Variants in CDH12 observed in about 807,000 individuals in gnomAD.
The protein encoded by CDH12 is cadherin-12.
CDH12 carries 41 observed loss-of-function variants against 74.1 expected under a neutral mutation model. The observed-to-expected ratio is 0.55, with a 90% CI of 0.43 to 0.72. The LOEUF (loss-of-function observed/expected upper bound fraction) is 0.72. CDH12 is among the 30% of genes least tolerant of loss of function. CDH12 has a pLI of 0.00. For synonymous variants in CDH12, 399 were observed against 355.0 expected, an observed-to-expected ratio of 1.12 and a Z score of -1.39; for missense variants, 945 against 977.2, an observed-to-expected ratio of 0.97 and a Z score of 0.44.
At chr5:22,042,415 A>T (rs1443012248) in intron 5 of CDH12, among the ~76,000 whole-genome samples, 1 of 152,134 alleles carries the variant, frequency 6.6e-6, no homozygotes, top group Non-Finnish European at 1.5e-5. Context: ...CTAAGAAAAT[A>T]AGGCAGAAAA....
intron 10 of CDH12, among the ~76,000 whole-genome samples, chr5:21,800,250 AT>A (rs1423441836): frequency 6.6e-6 from 1 of 152,030 alleles, no homozygotes; most frequent in Non-Finnish European, 1.5e-5. Flanking sequence ...GACACTTTGG[AT>A]TTTAATTAAT....
chr5:22,058,818 C>CA (rs937199193), intron 5 of CDH12, among the ~76,000 whole-genome samples: 17 of 150,834 alleles, frequency 1.1e-4, no homozygotes, highest in East Asian at 7.8e-4. Context: ...GGAAAATAAA[C>CA]AAAAAAAAGG....
intron 1 of CDH12, among the ~76,000 whole-genome samples, chr5:22,623,339 A>G (rs1359585915): frequency 6.6e-6 from 1 of 152,202 alleles, no homozygotes; most frequent in Non-Finnish European, 1.5e-5. Context: ...AGAAAGAAAT[A>G]AAAGTATCCA....
At chr5:21,807,964 T>C (rs1294107775) in intron 9 of CDH12, among the ~76,000 whole-genome samples, 1 of 152,144 alleles carries the variant, frequency 6.6e-6, no homozygotes, top group Non-Finnish European at 1.5e-5. Flanking sequence ...GTGATGCAGA[T>C]GCTTTTCGTC....
chr5:22,710,556 A>G (rs1452213147), intron 1 of CDH12, among the ~76,000 whole-genome samples: 1 of 152,126 alleles, frequency 6.6e-6, no homozygotes, highest in Non-Finnish European at 1.5e-5. Flanking sequence ...CAGCCTCCTG[A>G]GGGTAAGGAT....
At chr5:22,206,842 T>G (rs1751249647) in intron 4 of CDH12, among the ~76,000 whole-genome samples, 1 of 151,190 alleles carries the variant, frequency 6.6e-6, no homozygotes, top group African/African-American at 2.4e-5. Context: ...ATGGATGAAT[T>G]AGTGAGTGTG....
chr5:22,505,357 T>TA lies in CDH12; in HGVS notation c.-516dup. The TA allele has an allele frequency of 1.0e-6, 1 of 979,276 alleles. No homozygotes were observed. The highest frequency in any genetic ancestry group is 1.7e-5 in the African/African-American group (1 of 57,222). The allele number at this position is 979,276 out of a possible 1,614,324, so 60.7% of individuals were successfully genotyped here. A position where few individuals can be genotyped will look rare whatever the true frequency, so the allele number is the denominator to read the frequency against. On this transcript the variant is annotated 5_prime_UTR_variant, in exon 2 of 15. Transcript: ENST00000382254. ...TTCCCAAAAGAGCCAAGCTGTTAGG[T>TA]AACAAAGCTGGAAAGACAAACATAT...
intron 6 of CDH12, among the ~76,000 whole-genome samples, chr5:21,907,611 C>G (rs572030940): frequency 6.6e-6 from 1 of 152,168 alleles, no homozygotes; most frequent in African/African-American, 2.4e-5. Flanking sequence ...CAGCTCTACC[C>G]CGGGAGCTAA....
At chr5:22,685,891 A>G (rs978248190) in intron 1 of CDH12, among the ~76,000 whole-genome samples, 5 of 151,980 alleles carry the variant, frequency 3.3e-5, no homozygotes, top group African/African-American at 7.3e-5. Context: ...ATATGTTTTT[A>G]TTTTTCATAT....
chr5:21,758,432 G>C (rs999760105), intron 13 of CDH12, among the ~76,000 whole-genome samples: 13 of 152,044 alleles, frequency 8.6e-5, no homozygotes, highest in Non-Finnish European at 1.8e-4. Context: ...AATATCCTCT[G>C]ATTCTATCAT....
intron 2 of CDH12, among the ~76,000 whole-genome samples, chr5:22,423,904 G>A: frequency 6.7e-6 from 1 of 149,764 alleles, no homozygotes. Context: ...TTGGGTGGCT[G>A]AGGCAGGAGA....
In CDH12 at chr5:22,179,027, C is replaced by T. The variant is rs145457901; in HGVS notation, c.-187+33471G>A. Reference sequence around the variant, plus strand: ...TGCACTTAAAATGCAGTTTTATCATCTGGAATACAAGGGTGATAATCCTTG... The same window carrying T: ...TGCACTTAAAATGCAGTTTTATCATTTGGAATACAAGGGTGATAATCCTTG... On this transcript the variant is annotated intron_variant, in intron 4 of 14. Coordinates refer to ENST00000382254, the MANE Select transcript of CDH12 (RefSeq NM_004061.5). Among the ~76,000 whole-genome samples, 1,347 of 152,314 alleles carry T rather than the reference C, an allele frequency of 8.8e-3. 9 individuals carry two copies. Among genetic ancestry groups the T allele is most frequent in the African/African-American group, 0.031 (1,293 of 41,584 alleles).
chr5:22,064,480 A>AT (rs1741424846), intron 5 of CDH12, among the ~76,000 whole-genome samples: 1 of 152,148 alleles, frequency 6.6e-6, no homozygotes, highest in Non-Finnish European at 1.5e-5. Flanking sequence ...GTGGCTCTTT[A>AT]ATATGACTAG....
chr5:22,515,308 C>T (rs1438166664), intron 1 of CDH12, among the ~76,000 whole-genome samples: 1 of 151,928 alleles, frequency 6.6e-6, no homozygotes, highest in African/African-American at 2.4e-5. Context: ...ACTTGTAAAG[C>T]TGATAGTGAA....
At chr5:22,202,604 G>C (rs1750988707) in intron 4 of CDH12, among the ~76,000 whole-genome samples, 1 of 152,108 alleles carries the variant, frequency 6.6e-6, no homozygotes, top group South Asian at 2.1e-4. Context: ...AGGCAAAAAA[G>C]TGGCCTTTTT....
intron 1 of CDH12, among the ~76,000 whole-genome samples, chr5:22,624,090 A>C (rs1258054215): frequency 6.6e-6 from 1 of 152,138 alleles, no homozygotes; most frequent in Non-Finnish European, 1.5e-5. Flanking sequence ...AATAAATGGT[A>C]CTGGGAAAAC....
chr5:22,603,728 A>G (rs987674331), intron 1 of CDH12, among the ~76,000 whole-genome samples: 2 of 152,224 alleles, frequency 1.3e-5, no homozygotes, highest in Admixed American at 6.5e-5. Context: ...CAGGACTTCA[A>G]TAAAACCAGA....
intron 3 of CDH12, among the ~76,000 whole-genome samples, chr5:22,373,053 T>C (rs1741365893): frequency 6.6e-6 from 1 of 152,020 alleles, no homozygotes; most frequent in African/African-American, 2.4e-5. Context: ...GCCTGGGGAA[T>C]ACTCTGCCCC....
rs59858757 is a variant in CDH12 at position 22,235,578 on chromosome 5, CAA to C, written c.-332-22937_-332-22936del. ...CCTGGGTGACAGAGAGAGACTGTTTCAAAAAAAAAAAAATCAGAAAACCAAAA... is the reference window on the plus strand; with the variant it reads ...CCTGGGTGACAGAGAGAGACTGTTTCAAAAAAAAAAATCAGAAAACCAAAA... On this transcript the variant is annotated intron_variant, in intron 3 of 14. Transcript: ENST00000382254. Among the ~76,000 whole-genome samples the C allele has an allele frequency of 7.7e-4, 113 of 147,248 alleles. 1 individual carries two copies. Among genetic ancestry groups the C allele is most frequent in the Middle Eastern group, 7.1e-3 (2 of 282 alleles).
Sources: allele counts gnomAD v4.1 joint callset (sites outside exome capture counted in the v4.1 genomes callset), GRCh38; gene constraint gnomAD v4.1.1; transcripts MANE v1.5; gene names NCBI Gene and HGNC (gene_info 2026-07-23, HGNC 2026-07-21).